The following MAP3K13 variants were observed in gnomAD, a reference collection of about 807,000 sequenced individuals.
MAP3K13 encodes leucine zipper-bearing kinase.
In MAP3K13, 52 loss-of-function variants were observed where a neutral mutation model predicts 104.0. The observed-to-expected ratio is 0.50, with a 90% confidence interval of 0.40 to 0.63. The LOEUF is 0.63. Among genes scored for constraint, MAP3K13 ranks in the 20% least tolerant of loss-of-function variants. The pLI is 0.00. For synonymous variants in MAP3K13, 394 were observed against 442.2 expected, an observed-to-expected ratio of 0.89 and a Z score of 1.37; for missense variants, 914 against 1,218.5, an observed-to-expected ratio of 0.75 and a Z score of 3.72.
intron 1 of MAP3K13, among the ~76,000 whole-genome samples, chr3:185,408,750 T>G (rs1713261732): frequency 6.6e-6 from 1 of 152,190 alleles, no homozygotes; most frequent in African/African-American, 2.4e-5. Flanking sequence ...TTTGAAAACC[T>G]GCACTCTTTG....
chr3:185,409,196 C>T (rs1447103261), intron 1 of MAP3K13, among the ~76,000 whole-genome samples: 1 of 152,076 alleles, frequency 6.6e-6, no homozygotes, highest in Non-Finnish European at 1.5e-5. Context: ...GGTGAAACCC[C>T]GTCTCTACCA....
Position 185,455,878 on chromosome 3 carries a change from GAT to G in MAP3K13, c.1278+4488_1278+4489del, listed in dbSNP as rs113021580. 1.9e-4 allele frequency among the ~76,000 whole-genome samples: 23 copies of G among 123,412 alleles called. 2 individuals are homozygous for G. Among genetic ancestry groups the G allele is most frequent in the African/African-American group, 7.1e-4 (22 of 30,898 alleles). 81.0% of individuals were successfully genotyped at this position (123,412 alleles called of 152,430 possible). A position where few individuals can be genotyped will look rare whatever the true frequency, so the allele number is the denominator to read the frequency against. On this transcript the variant is annotated intron_variant, in intron 7 of 13. Coordinates refer to ENST00000265026, the MANE Select transcript of MAP3K13 (RefSeq NM_004721.5). ...TGAGATATATATGAGATATAGATGA[GAT>G]ATATGATATAGATGAGATATATATG...
At chr3:185,335,115 A>G (rs1722434387) in intron 2 of MAP3K13, among the ~76,000 whole-genome samples, 1 of 152,148 alleles carries the variant, frequency 6.6e-6, no homozygotes, top group Admixed American at 6.5e-5. Flanking sequence ...ATAATAGTAC[A>G]TTAAATACAA....
chr3:185,362,591 T>A (rs1164687307), upstream of MAP3K13, among the ~76,000 whole-genome samples: 1 of 152,208 alleles, frequency 6.6e-6, no homozygotes, highest in Non-Finnish European at 1.5e-5. Flanking sequence ...TTTCCATATG[T>A]CTGTTTTCTT....
chr3:185,472,925 C>T, intron 10 of MAP3K13, 50 bp from the exon 11 acceptor site: 1 of 1,536,812 alleles, frequency 6.5e-7, no homozygotes, highest in South Asian at 1.2e-5. Flanking sequence ...TTTCCCCAAA[C>T]TTGAATGTGT....
chr3:185,473,121 G>A lies in MAP3K13; in HGVS notation c.1790G>A (p.Gly597Asp). Reference sequence around the variant, plus strand: ...CGCCACCGCCGAGGGAATAGCAGAGGCAGCCATAGTGACTTTGCCGCAATC... The same window carrying A: ...CGCCACCGCCGAGGGAATAGCAGAGACAGCCATAGTGACTTTGCCGCAATC... ...KPRHRRGNSRGSHSDFAAILK... is the reference protein window; with the variant it reads ...KPRHRRGNSRDSHSDFAAILK... Residue 597 changes from glycine (G) to aspartate (D), a missense_variant, in exon 11 of 14, where the codon GGC (glycine) becomes GAC (aspartate). Physicochemically the swap from Gly to Asp is moderately conservative, Grantham distance 94. Around this residue, in one of 3 missense-constraint regions of MAP3K13, gnomAD observed 583 missense variants for 737.4 expected, o/e 0.79. Transcript: ENST00000265026. This position sits in a 1 kb window ranked among gnomAD's most constrained non-coding sequence, Gnocchi z 4.9. The A allele has an allele frequency of 7.4e-6, 12 of 1,614,150 alleles. No individual in the cohort carries two copies. The highest frequency in any genetic ancestry group is 9.3e-6 in the Non-Finnish European group (11 of 1,180,032).
At chr3:185,395,353 A>ATTTTTTTTTTTTTTTT (rs1560083058) in intron 1 of MAP3K13, among the ~76,000 whole-genome samples, 1 of 18,490 alleles carries the variant, frequency 5.4e-5, no homozygotes, top group African/African-American at 1.8e-4. Context: ...ATTCAATATT[A>ATTTTTTTTTTTTTTTT]TTTCTTTTTT....
At chr3:185,302,127 G>A (rs1398922768) in intron 2 of MAP3K13, among the ~76,000 whole-genome samples, 1 of 152,078 alleles carries the variant, frequency 6.6e-6, no homozygotes, top group Non-Finnish European at 1.5e-5. Flanking sequence ...GTCTTGCCAG[G>A]CGCAGTGGCT....
At chr3:185,354,912 C>T (rs1416138802) in intron 2 of MAP3K13, among the ~76,000 whole-genome samples, 4 of 151,980 alleles carry the variant, frequency 2.6e-5, no homozygotes, top group African/African-American at 9.7e-5. Flanking sequence ...GGAGGGTTAA[C>T]AGGTAATGGA....
rs1444549994 is a variant in MAP3K13, at chr3:185,477,406, A to G, written c.2501+10A>G. 5 of 1,600,112 alleles carry G rather than the reference A, an allele frequency of 3.1e-6. No homozygotes were observed. In the Admixed American group the frequency reaches 6.7e-5, roughly 21 times the overall value. ...TTCCACGAAGACAGAGGTAAAACCA[A>G]CAAATGCACACGATTGCTTTTAGTG... On this transcript the variant is annotated intron_variant, in intron 12 of 13. Transcript: ENST00000265026.
At chr3:185,451,788 A>T (rs1349077265) in intron 7 of MAP3K13, among the ~76,000 whole-genome samples, 1 of 150,266 alleles carries the variant, frequency 6.7e-6, no homozygotes, top group Non-Finnish European at 1.5e-5. Flanking sequence ...AATCACTTGA[A>T]CCCGGGAAGC....
intron 1 of MAP3K13, among the ~76,000 whole-genome samples, chr3:185,415,808 C>G (rs886568776): frequency 1.3e-5 from 2 of 151,984 alleles, no homozygotes; most frequent in Non-Finnish European, 2.9e-5. Flanking sequence ...GTCTCAAACT[C>G]CCAACCTCAG....
Position 185,485,709 on chromosome 3 carries a change from T to C in MAP3K13, c.*3253T>C, listed in dbSNP as rs1395992491. 3 of 152,116 alleles carry C rather than the reference T, an allele frequency of 2.0e-5. No individual in the cohort carries two copies. The highest frequency in any genetic ancestry group is 4.8e-5 in the African/African-American group (2 of 41,482). 9.4% of individuals were successfully genotyped at this position (152,116 alleles called of 1,614,324 possible). A position where few individuals can be genotyped will look rare whatever the true frequency, so the allele number is the denominator to read the frequency against. The stretch of plus-strand genomic sequence containing the variant: ...CTAATTTACAAATTAAATTTTATCA[T>C]AGATATGTAAGTATAGAAAAAAAAA... On this transcript the variant is annotated 3_prime_UTR_variant, in exon 14 of 14. Transcript: ENST00000265026.
In MAP3K13 at chr3:185,482,317, T is replaced by C. The variant is rs776431439; in HGVS notation, c.2800-38T>C. On this transcript the variant is annotated intron_variant, in intron 13 of 13. Coordinates refer to ENST00000265026, the MANE Select transcript of MAP3K13 (RefSeq NM_004721.5). This position sits in a 1 kb window ranked among gnomAD's most constrained non-coding sequence, Gnocchi z 4.5. The stretch of plus-strand genomic sequence containing the variant: ...TGTTTGACATATATTTACTGAGTGA[T>C]TATCGAAATGAATTAAGGTTTTGTC... The C allele has an allele frequency of 5.0e-6, 7 of 1,409,594 alleles. No individual in the cohort carries two copies. The highest frequency in any genetic ancestry group is 1.7e-5 in the Admixed American group (1 of 59,704). 87.3% of individuals were successfully genotyped at this position (1,409,594 alleles called of 1,614,324 possible).
upstream of MAP3K13, among the ~76,000 whole-genome samples, chr3:185,358,189 T>G (rs1723447373): frequency 6.6e-6 from 1 of 152,188 alleles, no homozygotes; most frequent in Non-Finnish European, 1.5e-5. Context: ...TAGCTTATTT[T>G]AAAGCATATG....
intron 2 of MAP3K13, among the ~76,000 whole-genome samples, chr3:185,285,908 C>T (rs895713581): frequency 1.3e-5 from 2 of 152,100 alleles, no homozygotes; most frequent in Non-Finnish European, 2.9e-5. Context: ...TAGGGGGGAG[C>T]TTCCTTTCAA....
At chr3:185,297,000 TATTA>T (rs1658079773) in intron 2 of MAP3K13, among the ~76,000 whole-genome samples, 1 of 152,170 alleles carries the variant, frequency 6.6e-6, no homozygotes, top group South Asian at 2.1e-4. Context: ...AAATTTGACT[TATTA>T]GAGAGTTAGG....
intron 4 of MAP3K13, among the ~76,000 whole-genome samples, chr3:185,443,964 T>G (rs1390492051): frequency 1.3e-5 from 2 of 152,254 alleles, no homozygotes; most frequent in African/African-American, 4.8e-5. Context: ...AAGGCTTGAT[T>G]TGTTGTTTTC....
chr3:185,351,509 T>C (rs1259239166), intron 2 of MAP3K13, among the ~76,000 whole-genome samples: 1 of 152,140 alleles, frequency 6.6e-6, no homozygotes, highest in East Asian at 1.9e-4. Flanking sequence ...GATGATGTCA[T>C]GCAAAGAAGA....
Sources: gnomAD v4.1 joint callset for allele counts (sites outside exome capture counted in the v4.1 genomes callset) on GRCh38, gnomAD v4.1.1 for gene constraint, gnomAD v4.1.1 regional missense constraint, Gnocchi (gnomAD v3.1) non-coding constraint, MANE v1.5 for transcripts, NCBI Gene and HGNC (gene_info 2026-07-23, HGNC 2026-07-21) for gene names.